Variants in IARS1 observed in about 807,000 individuals in gnomAD.
IARS1 encodes isoleucyl-tRNA synthetase 1.
Under a neutral mutation model 168.2 loss-of-function variants are expected in IARS1, and 124 were observed. The observed-to-expected ratio is 0.74, with a 90% CI of 0.64 to 0.86. The LOEUF is 0.86. Ranked by LOEUF, IARS1 falls within the 40% of genes least tolerant of loss-of-function variation. The pLI is 0.00. For synonymous variants in IARS1, 532 were observed against 529.4 expected (o/e 1.00, Z -0.07); for missense variants, 1,452 against 1,515.8 (o/e 0.96, Z 0.70).
intron 28 of IARS1, chr9:92,243,013 T>C (rs896493519): frequency 1.9e-5 from 9 of 481,224 alleles, no homozygotes; most frequent in African/African-American, 1.8e-4. Context: ...ACAGGCTGGC[T>C]GAAAGCTACG....
intron 17 of IARS1, among the ~76,000 whole-genome samples, chr9:92,261,069 G>A (rs1831456102): frequency 6.6e-6 from 1 of 152,202 alleles, no homozygotes; most frequent in African/African-American, 2.4e-5. Context: ...AGCACTTTGG[G>A]AGGCCGAGGC....
chr9:92,241,582 T>C (rs1481247272), intron 29 of IARS1, among the ~76,000 whole-genome samples: 1 of 152,176 alleles, frequency 6.6e-6, no homozygotes, highest in Non-Finnish European at 1.5e-5. Flanking sequence ...CCTCAAGCGA[T>C]CTGCTCGCCT....
At chr9:92,281,489 A>G (rs1035899451) in intron 6 of IARS1, among the ~76,000 whole-genome samples, 2 of 152,108 alleles carry the variant, frequency 1.3e-5, no homozygotes, top group African/African-American at 2.4e-5. Context: ...AGGTTTCAGT[A>G]TTATGATTAT....
In IARS1 at chr9:92,247,527, G is replaced by A. The variant is rs752079103; in HGVS notation, c.2641C>T (p.Leu881=). The part of the protein sequence containing the change: ...IEELNVRKVT[L]STDKNKYGIR... ...CCATACTTGTTTTTATCTGTAGACA[G>A]TGTAACTTTTCGAACATTGAGTTCC... The change falls in exon 26 of 34, where the codon CTG becomes TTG. Residue 881 remains leucine, a synonymous_variant. Transcript: ENST00000443024. 3 of 1,613,560 alleles carry A rather than the reference G, an allele frequency of 1.9e-6. No homozygotes were observed. The highest frequency in any genetic ancestry group is 1.7e-5 in the Admixed American group (1 of 59,880).
At chr9:92,237,904 T>C (rs1239174350) in intron 30 of IARS1, among the ~76,000 whole-genome samples, 4 of 152,118 alleles carry the variant, frequency 2.6e-5, no homozygotes, top group Non-Finnish European at 4.4e-5. Flanking sequence ...CAATCTTTCA[T>C]TTGTTCTGCT....
intron 28 of IARS1, chr9:92,242,568 T>G (rs568845452): frequency 2.1e-6 from 1 of 486,552 alleles, no homozygotes; most frequent in East Asian, 3.5e-5. Context: ...GAACAATCAG[T>G]ACCTCATGAA....
At chr9:92,239,010 A>G (rs1292518386) in intron 30 of IARS1, among the ~76,000 whole-genome samples, 1 of 152,216 alleles carries the variant, frequency 6.6e-6, no homozygotes, top group Non-Finnish European at 1.5e-5. Flanking sequence ...AGGACCCAAG[A>G]ACTCACTGAT....
At chr9:92,241,014 G>T in intron 29 of IARS1, 53 bp from the exon 30 acceptor site, 1 of 991,760 alleles carries the variant, frequency 1.0e-6, no homozygotes, top group Non-Finnish European at 1.6e-6. Context: ...ACTGCAATGT[G>T]CCACACCATC....
At chr9:92,280,018 C>T (rs1020078779) in intron 7 of IARS1, among the ~76,000 whole-genome samples, 12 of 152,146 alleles carry the variant, frequency 7.9e-5, no homozygotes, top group Non-Finnish European at 1.3e-4. Context: ...CGTAAATACC[C>T]TATTTGGTTT....
intron 28 of IARS1, chr9:92,242,934 C>T (rs1427172498): frequency 5.6e-6 from 2 of 360,168 alleles, no homozygotes; most frequent in Non-Finnish European, 1.1e-5. Flanking sequence ...CTCTGATTAC[C>T]TTCTGCTCCA....
intron 1 of IARS1, among the ~76,000 whole-genome samples, chr9:92,290,262 G>T (rs943725684): frequency 3.9e-5 from 6 of 152,188 alleles, no homozygotes; most frequent in African/African-American, 1.2e-4. Context: ...GAGATGTTAA[G>T]TAGTATCTTG....
At chr9:92,286,311 G>T (rs1045853010) in intron 5 of IARS1, among the ~76,000 whole-genome samples, 1 of 152,172 alleles carries the variant, frequency 6.6e-6, no homozygotes, top group Admixed American at 6.5e-5. Flanking sequence ...AGGTTGCAGT[G>T]GGCCAAGACT....
Position 92,210,756 on chromosome 9 carries a change from G to A in IARS1, c.*51C>T, listed in dbSNP as rs1837608300. The A allele has an allele frequency of 3.9e-6, 4 of 1,015,576 alleles. No individual in the cohort carries two copies. The highest frequency in any genetic ancestry group is 1.7e-5 in the Admixed American group (1 of 59,124). The allele number at this position is 1,015,576 out of a possible 1,614,324, so 62.9% of individuals were successfully genotyped here. On this transcript the variant is annotated 3_prime_UTR_variant, in exon 34 of 34. Coordinates refer to ENST00000443024, the MANE Select transcript of IARS1 (RefSeq NM_002161.6). ...GTGTCTATGTGCATGTATGTGTAGG[G>A]GATAGGTGTAATTAGGGAAGGGCTG... is the stretch of plus-strand genomic sequence containing the variant.
At chr9:92,274,552 T>C (rs758840448) in intron 9 of IARS1, 31 bp from the exon 10 acceptor site, 2 of 1,479,622 alleles carry the variant, frequency 1.4e-6, no homozygotes, top group African/African-American at 2.8e-5. Context: ...GCTTCAGGGA[T>C]GAAACATTAC....
chr9:92,283,817 T>C (rs1835018903), intron 6 of IARS1, among the ~76,000 whole-genome samples: 3 of 152,008 alleles, frequency 2.0e-5, no homozygotes, highest in Admixed American at 2.0e-4. Flanking sequence ...CCTTGGGAAA[T>C]GATTAAACCA....
In IARS1 at chr9:92,263,044, A is replaced by G; in HGVS notation, c.1712T>C (p.Leu571Pro). 6.2e-7 allele frequency: 1 copy of G among 1,613,794 alleles called. No homozygotes were observed. Among genetic ancestry groups the G allele is most frequent in the South Asian group, 1.1e-5 (1 of 91,072 alleles). ...IDQTRGWFYT[L>P]LVLATALFGQ... ...AAAGAGGGCCGTGGCCAGCACCAGCAGGGTATAAAACCTGAAAAAAAACCC... is the reference window on the plus strand; with the variant it reads ...AAAGAGGGCCGTGGCCAGCACCAGCGGGGTATAAAACCTGAAAAAAAACCC... Residue 571 changes from leucine (L) to proline (P), a missense_variant, in exon 17 of 34, where the codon CTG becomes CCG. Coordinates refer to ENST00000443024, the MANE Select transcript of IARS1 (RefSeq NM_002161.6).
chr9:92,253,899 G>A (rs779004214), intron 20 of IARS1: 9 of 464,234 alleles, frequency 1.9e-5, no homozygotes, highest in Middle Eastern at 3.2e-4. Flanking sequence ...GCACAGCATA[G>A]GCCAGTGATT....
chr9:92,255,681 TTTA>T (rs1415201917), intron 20 of IARS1, among the ~76,000 whole-genome samples: 1 of 152,218 alleles, frequency 6.6e-6, no homozygotes, highest in East Asian at 1.9e-4. Flanking sequence ...ACAAGTATTA[TTTA>T]TTGAGTACCT....
intron 6 of IARS1, among the ~76,000 whole-genome samples, chr9:92,283,438 G>A (rs1834953874): frequency 6.6e-6 from 1 of 152,214 alleles, no homozygotes; most frequent in Admixed American, 6.5e-5. Context: ...GAGGTAAGGA[G>A]TTCAAGACCA....
Sources: allele counts gnomAD v4.1 joint callset (sites outside exome capture counted in the v4.1 genomes callset), GRCh38; gene constraint gnomAD v4.1.1; transcripts MANE v1.5; gene names NCBI Gene and HGNC (gene_info 2026-07-23, HGNC 2026-07-21).